Variants in DDAH1 observed in about 807,000 individuals in gnomAD.
DDAH1 encodes the protein N(G),N(G)-dimethylarginine dimethylaminohydrolase 1.
In DDAH1, 19 loss-of-function variants were observed where a neutral mutation model predicts 28.8. The observed-to-expected ratio is 0.66, with a 90% CI of 0.46 to 0.97. The LOEUF is 0.97. DDAH1 is among the 50% of genes least tolerant of loss of function. The probability of loss-of-function intolerance (pLI) is 0.00; values close to 1 mark genes in which losing one functional copy is unlikely to be tolerated. For synonymous variants in DDAH1, 153 were observed against 154.4 expected (o/e 0.99, Z 0.07); for missense variants, 326 against 375.9 (o/e 0.87, Z 1.10).
intron 1 of DDAH1, among the ~76,000 whole-genome samples, chr1:85,500,441 C>A (rs1656783404): frequency 1.3e-5 from 2 of 151,998 alleles, no homozygotes; most frequent in South Asian, 4.1e-4. Flanking sequence ...TATTGTTCCC[C>A]TGGGTCTTGC....
At chr1:85,469,450 C>T (rs988851335), upstream of DDAH1, among the ~76,000 whole-genome samples, 4 of 152,134 alleles carry the variant, frequency 2.6e-5, no homozygotes, top group East Asian at 1.9e-4. Flanking sequence ...TCTATAAATG[C>T]GGAGCAATGA....
chr1:85,570,697 C>T (rs1557771160), intron 1 of DDAH1, among the ~76,000 whole-genome samples: 1 of 152,178 alleles, frequency 6.6e-6, no homozygotes, highest in East Asian at 1.9e-4. Context: ...CATGCCTGTT[C>T]TCTGATCAAA....
intron 1 of DDAH1, among the ~76,000 whole-genome samples, chr1:85,418,468 G>T (rs1273943044): frequency 6.6e-6 from 1 of 152,182 alleles, no homozygotes; most frequent in Admixed American, 6.5e-5. Context: ...GAAGGTAAAA[G>T]ACCATGAATT....
At chr1:85,469,079 A>G (rs1304473610), upstream of DDAH1, among the ~76,000 whole-genome samples, 1 of 152,250 alleles carries the variant, frequency 6.6e-6, no homozygotes, top group Non-Finnish European at 1.5e-5. Flanking sequence ...TCAGGCCCAG[A>G]AGGGATGCAT....
At chr1:85,325,608 GAA>G (rs60305234) in intron 4 of DDAH1, among the ~76,000 whole-genome samples, 13 of 136,802 alleles carry the variant, frequency 9.5e-5, no homozygotes, top group Non-Finnish European at 1.4e-4. Context: ...CAACTGGAGA[GAA>G]AAAAAAAAAA....
Position 85,416,508 on chromosome 1 carries a change from T to G in DDAH1, c.303+48235A>C, listed in dbSNP as rs570421109. ...CCATGCCCAGCCTACAAACAGTATT[T>G]GACTAGTTTGATTATCTGCAGGGAA... On this transcript the variant is annotated intron_variant, in intron 1 of 5. Coordinates refer to ENST00000284031, the MANE Select transcript of DDAH1 (RefSeq NM_012137.4). 5.2e-4 allele frequency among the ~76,000 whole-genome samples: 79 copies of G among 152,288 alleles called. 1 individual carries two copies. Among genetic ancestry groups the G allele is most frequent in the Non-Finnish European group, 5.4e-4 (37 of 68,018 alleles).
At chr1:85,404,220 T>C (rs1202051464) in intron 1 of DDAH1, among the ~76,000 whole-genome samples, 2 of 152,194 alleles carry the variant, frequency 1.3e-5, no homozygotes, top group East Asian at 3.8e-4. Context: ...TTCGCAAGTA[T>C]TGAGCATTTA....
intron 2 of DDAH1, among the ~76,000 whole-genome samples, chr1:85,491,752 G>T (rs556632019): frequency 1.3e-5 from 2 of 152,122 alleles, no homozygotes; most frequent in African/African-American, 4.8e-5. Flanking sequence ...ACATATATTG[G>T]TTATCTGGTT....
intron 1 of DDAH1, among the ~76,000 whole-genome samples, chr1:85,439,734 CT>C (rs1169876447): frequency 6.6e-6 from 1 of 152,178 alleles, no homozygotes; most frequent in African/African-American, 2.4e-5. Context: ...CAGCTGGAAA[CT>C]GTCAAAGTGA....
chr1:85,343,332 C>T (rs997263675), intron 4 of DDAH1, among the ~76,000 whole-genome samples: 1 of 152,164 alleles, frequency 6.6e-6, no homozygotes, highest in Non-Finnish European at 1.5e-5. Flanking sequence ...TATGCCAAAA[C>T]ATTTTATTTT....
intron 4 of DDAH1, among the ~76,000 whole-genome samples, chr1:85,338,670 T>G (rs1235439920): frequency 6.6e-6 from 1 of 152,198 alleles, no homozygotes; most frequent in East Asian, 1.9e-4. Flanking sequence ...AGGAATGGGA[T>G]GTACATTTTA....
chr1:85,339,811 A>AG (rs1648360940), intron 4 of DDAH1, among the ~76,000 whole-genome samples: 1 of 152,354 alleles, frequency 6.6e-6, no homozygotes, highest in South Asian at 2.1e-4. Context: ...ATTTCCACAG[A>AG]GAAACAGTAA....
chr1:85,373,879 A>C (rs936132376), intron 1 of DDAH1, among the ~76,000 whole-genome samples: 1 of 152,132 alleles, frequency 6.6e-6, no homozygotes, highest in African/African-American at 2.4e-5. Context: ...TTAAGACTTA[A>C]AGGAAATATG....
intron 1 of DDAH1, among the ~76,000 whole-genome samples, chr1:85,511,593 A>T (rs1303772832): frequency 6.6e-6 from 1 of 152,240 alleles, no homozygotes; most frequent in Non-Finnish European, 1.5e-5. Flanking sequence ...CAAAATTGAT[A>T]GACCACTAGC....
intron 1 of DDAH1, among the ~76,000 whole-genome samples, chr1:85,363,906 C>G (rs1274860759): frequency 7.7e-6 from 1 of 130,610 alleles, no homozygotes; most frequent in Admixed American, 7.7e-5. Flanking sequence ...TGGATGTCAA[C>G]TTTTTTTTTT....
chr1:85,434,793 A>T lies in DDAH1; in HGVS notation c.303+29950T>A, dbSNP rs561070739. ...GCTATTTTCATCTACATATTCTTGA[A>T]TCTAGGCAAACTTTAACTTACTTCC... is the stretch of plus-strand genomic sequence containing the variant. On this transcript the variant is annotated intron_variant, in intron 1 of 5. Coordinates refer to ENST00000284031, the MANE Select transcript of DDAH1 (RefSeq NM_012137.4). Among the ~76,000 whole-genome samples, 7 of 152,260 alleles carry T rather than the reference A, an allele frequency of 4.6e-5. No homozygotes were observed. In the South Asian group the frequency reaches 1.4e-3, roughly 32 times the overall value.
chr1:85,359,190 G>A (rs1209441784), intron 1 of DDAH1, among the ~76,000 whole-genome samples: 1 of 152,212 alleles, frequency 6.6e-6, no homozygotes, highest in African/African-American at 2.4e-5. Context: ...ACCATTGGAA[G>A]CTGACCAGTT....
chr1:85,566,763 T>C (rs1659316726), intron 1 of DDAH1, among the ~76,000 whole-genome samples: 1 of 152,152 alleles, frequency 6.6e-6, no homozygotes, highest in Admixed American at 6.5e-5. Context: ...GAAAAATGTA[T>C]GTATGTATAT....
chr1:85,524,359 C>T (rs1303916294), intron 1 of DDAH1, among the ~76,000 whole-genome samples: 1 of 147,274 alleles, frequency 6.8e-6, no homozygotes, highest in Non-Finnish European at 1.5e-5. Flanking sequence ...GAAGTGGAGG[C>T]GTTTGAATAG....
Sources: gnomAD v4.1 joint callset for allele counts (sites outside exome capture counted in the v4.1 genomes callset) on GRCh38, gnomAD v4.1.1 for gene constraint, MANE v1.5 for transcripts, NCBI Gene and HGNC (gene_info 2026-07-23, HGNC 2026-07-21) for gene names.